C1QTNF3: variants seen among roughly 807,000 people sequenced by gnomAD.
C1QTNF3 encodes C1q and TNF related 3, also known as complement C1q tumor necrosis factor-related protein 3.
C1QTNF3 carries 26 observed loss-of-function variants against 32.6 expected under a neutral mutation model. The ratio of observed to expected loss-of-function variants is 0.80; its 90% CI spans 0.58 to 1.11. The LOEUF (loss-of-function observed/expected upper bound fraction) is 1.11, where lower values mean the gene tolerates loss of function less well. Among genes scored for constraint, C1QTNF3 ranks in the 50% least tolerant of loss-of-function variants. The pLI, the probability that C1QTNF3 is intolerant of heterozygous loss-of-function variation, is 0.00. For missense variants in C1QTNF3, 362 were observed against 398.2 expected (o/e 0.91, Z 0.77); for synonymous variants, 155 against 146.0 (o/e 1.06, Z -0.44).
chr5:34,082,326 G>A, the C1QTNF3 span, among the ~76,000 whole-genome samples: 1 of 151,344 alleles, frequency 6.6e-6, no homozygotes, highest in Non-Finnish European at 1.5e-5. Flanking sequence ...GTTGAAATGA[G>A]AATGTTGTGT....
chr5:34,173,319 A>C, the C1QTNF3 span, among the ~76,000 whole-genome samples: 4 of 151,710 alleles, frequency 2.6e-5, no homozygotes, highest in Non-Finnish European at 5.9e-5. Flanking sequence ...TAATTATGCC[A>C]ATTGAGGGAT....
At chr5:34,024,692 A>G (rs1754419341) in intron 4 of C1QTNF3, among the ~76,000 whole-genome samples, 1 of 152,244 alleles carries the variant, frequency 6.6e-6, no homozygotes. Flanking sequence ...TTTTTTAATA[A>G]GAGCCTAGGG....
At chr5:34,132,416 T>TAC in the C1QTNF3 span, among the ~76,000 whole-genome samples, 2 of 112,478 alleles carry the variant, frequency 1.8e-5, no homozygotes, top group Non-Finnish European at 3.6e-5. Flanking sequence ...AATATATATA[T>TAC]ATGTATGTGT....
the C1QTNF3 span, among the ~76,000 whole-genome samples, chr5:34,064,337 C>T: frequency 1.3e-4 from 20 of 152,264 alleles, no homozygotes; most frequent in East Asian, 1.7e-3. Flanking sequence ...CAAGATGTGG[C>T]GGGCCACTCC....
At chr5:34,093,713 T>A in the C1QTNF3 span, among the ~76,000 whole-genome samples, 1 of 150,578 alleles carries the variant, frequency 6.6e-6, no homozygotes, top group Non-Finnish European at 1.5e-5. Context: ...ATACCTACCC[T>A]AGCCTAATTG....
At chr5:34,111,270 G>A in the C1QTNF3 span, among the ~76,000 whole-genome samples, 1 of 151,898 alleles carries the variant, frequency 6.6e-6, no homozygotes, top group South Asian at 2.1e-4. Context: ...ATAAACGAAG[G>A]TGGCTTTTCC....
chr5:34,208,271 CT>C, the C1QTNF3 span, among the ~76,000 whole-genome samples: 1 of 152,038 alleles, frequency 6.6e-6, no homozygotes. Flanking sequence ...CTACTTGCCC[CT>C]GTTATAACAA....
At chr5:34,212,478 TG>T in the C1QTNF3 span, among the ~76,000 whole-genome samples, 1 of 151,808 alleles carries the variant, frequency 6.6e-6, no homozygotes, top group South Asian at 2.1e-4. Flanking sequence ...ACCTACAGAA[TG>T]GGAGAAAATT....
the C1QTNF3 span, among the ~76,000 whole-genome samples, chr5:34,235,230 A>T: frequency 3.3e-5 from 5 of 152,152 alleles, no homozygotes; most frequent in African/African-American, 1.2e-4. Flanking sequence ...CTAATCAGAA[A>T]AACCTGAGCT....
chr5:34,203,164 C>T, the C1QTNF3 span, among the ~76,000 whole-genome samples: 2 of 152,150 alleles, frequency 1.3e-5, no homozygotes, highest in Admixed American at 6.5e-5. Context: ...TCTTGTAAAA[C>T]AGTCACACAA....
Position 34,018,080 on chromosome 5 carries a change from A to G in C1QTNF3, c.*2503T>C, listed in dbSNP as rs890700498. On this transcript the variant is annotated 3_prime_UTR_variant, in exon 6 of 6. Transcript: ENST00000382065. ...AAAAATATATAAAAAGCTAATTTCA[A>G]ATTATTTTATTACTATATTTAAAAA... 5.5e-4 allele frequency among the ~76,000 whole-genome samples: 84 copies of G among 152,044 alleles called. No individual in the cohort carries two copies. Among genetic ancestry groups the G allele is most frequent in the African/African-American group, 2.0e-3 (83 of 41,544 alleles).
the C1QTNF3 span, chr5:34,165,146 T>C: frequency 6.6e-6 from 1 of 152,114 alleles, no homozygotes; most frequent in African/African-American, 2.4e-5. Context: ...GCCTTGGGAT[T>C]CCAGGAGTTG....
the C1QTNF3 span, among the ~76,000 whole-genome samples, chr5:34,218,840 T>C: frequency 6.6e-6 from 1 of 152,050 alleles, no homozygotes; most frequent in Non-Finnish European, 1.5e-5. Context: ...ATACTATGCT[T>C]ACATTAAGCA....
chr5:34,167,561 C>T, the C1QTNF3 span: 3 of 152,330 alleles, frequency 2.0e-5, no homozygotes, highest in East Asian at 5.8e-4. Flanking sequence ...TCATGCAGAA[C>T]TCCATTGCCA....
At chr5:34,064,653 A>G in the C1QTNF3 span, among the ~76,000 whole-genome samples, 2 of 152,212 alleles carry the variant, frequency 1.3e-5, no homozygotes, top group Non-Finnish European at 2.9e-5. Flanking sequence ...GGTGGAAGTC[A>G]ATGGCAGATC....
the C1QTNF3 span, among the ~76,000 whole-genome samples, chr5:34,216,797 A>C: frequency 6.6e-6 from 1 of 152,330 alleles, no homozygotes; most frequent in African/African-American, 2.4e-5. Context: ...ATGTCATCTA[A>C]GCAGGAATGA....
At chr5:34,066,058 C>A in the C1QTNF3 span, among the ~76,000 whole-genome samples, 1 of 152,264 alleles carries the variant, frequency 6.6e-6, no homozygotes, top group East Asian at 1.9e-4. Context: ...GTGTTATTCC[C>A]TTACCAGCTG....
intron 5 of C1QTNF3, 135 bp downstream of exon 5, chr5:34,023,774 G>A (rs1754397858): frequency 1.7e-6 from 1 of 581,406 alleles, no homozygotes; most frequent in Admixed American, 3.1e-5. Flanking sequence ...TGGCCATACT[G>A]GTGCATGAGG....
chr5:34,154,737 AAG>A, the C1QTNF3 span, among the ~76,000 whole-genome samples: 37 of 152,098 alleles, frequency 2.4e-4, no homozygotes, highest in East Asian at 6.6e-3. Flanking sequence ...GGACATGATA[AAG>A]AGAGAGAGAG....
Sources: allele counts gnomAD v4.1 joint callset (sites outside exome capture counted in the v4.1 genomes callset), GRCh38; gene constraint gnomAD v4.1.1; transcripts MANE v1.5; gene names NCBI Gene and HGNC (gene_info 2026-07-23, HGNC 2026-07-21).